Variants in TSPAN5 observed in about 807,000 individuals in gnomAD.
TSPAN5 encodes the protein tetraspanin 5.
A neutral mutation model predicts 37.1 loss-of-function variants in TSPAN5; 10 were observed. That is an observed-to-expected ratio of 0.27 (90% CI 0.17 to 0.46). The LOEUF is 0.46. Ranked by LOEUF, TSPAN5 falls within the 20% of genes least tolerant of loss-of-function variation. The pLI is 1.00. For synonymous variants in TSPAN5, 110 were observed against 118.9 expected (o/e 0.93, Z 0.48); for missense variants, 195 against 326.6 (o/e 0.60, Z 3.11).
At chr4:98,481,069 A>G (rs779339217) in intron 4 of TSPAN5, among the ~76,000 whole-genome samples, 1 of 152,008 alleles carries the variant, frequency 6.6e-6, no homozygotes, top group African/African-American at 2.4e-5. Context: ...CATGAATGCC[A>G]CAGACACCGC....
intron 2 of TSPAN5, among the ~76,000 whole-genome samples, chr4:98,498,051 T>C (rs975600738): frequency 3.9e-5 from 6 of 152,162 alleles, no homozygotes; most frequent in African/African-American, 1.2e-4. Flanking sequence ...GCTAGCAGGC[T>C]CTGGGGTGAT....
chr4:98,484,202 A>G (rs942943462), intron 3 of TSPAN5: 1 of 317,854 alleles, frequency 3.1e-6, no homozygotes, highest in East Asian at 7.9e-5. Flanking sequence ...AGCCCTGTTG[A>G]GCTAATTTCC....
intron 2 of TSPAN5, chr4:98,500,318 A>C (rs1753317492): frequency 6.6e-6 from 1 of 152,200 alleles, no homozygotes; most frequent in South Asian, 2.1e-4. Context: ...AGTGTTCTGC[A>C]TTGAGACCTA....
intron 1 of TSPAN5, among the ~76,000 whole-genome samples, chr4:98,617,044 T>G (rs1756358919): frequency 6.6e-6 from 1 of 152,038 alleles, no homozygotes; most frequent in South Asian, 2.1e-4. Context: ...AGTCTAGTCT[T>G]GAACTCCTGA....
chr4:98,635,284 T>C (rs1356638068), intron 1 of TSPAN5, among the ~76,000 whole-genome samples: 2 of 152,198 alleles, frequency 1.3e-5, no homozygotes, highest in African/African-American at 2.4e-5. Flanking sequence ...TCCTATCCCA[T>C]GGGGAACTCA....
intron 1 of TSPAN5, among the ~76,000 whole-genome samples, chr4:98,562,370 A>G (rs1754898717): frequency 1.3e-5 from 2 of 152,144 alleles, no homozygotes. Context: ...AGGGGTAGAA[A>G]GAAAATCACA....
At chr4:98,496,368 C>T (rs115177376) in intron 2 of TSPAN5, 2 of 152,140 alleles carry the variant, frequency 1.3e-5, no homozygotes, top group Admixed American at 6.5e-5. Context: ...CTGAACAGTC[C>T]AGGGAGATGT....
At chr4:98,479,405 G>A (rs1752785528) in intron 4 of TSPAN5, among the ~76,000 whole-genome samples, 1 of 152,180 alleles carries the variant, frequency 6.6e-6, no homozygotes, top group Non-Finnish European at 1.5e-5. Flanking sequence ...TGCCAGGTTG[G>A]ACTGCCAGAA....
intron 1 of TSPAN5, among the ~76,000 whole-genome samples, chr4:98,560,627 C>T (rs538248919): frequency 6.6e-6 from 1 of 152,302 alleles, no homozygotes; most frequent in Admixed American, 6.5e-5. Context: ...TGTGGATAAT[C>T]CTTGAAGACA....
intron 1 of TSPAN5, among the ~76,000 whole-genome samples, chr4:98,632,248 T>C (rs539874442): frequency 1.3e-5 from 2 of 152,242 alleles, no homozygotes; most frequent in South Asian, 4.2e-4. Flanking sequence ...TCTTACCTCT[T>C]AAAATGTTAA....
chr4:98,496,760 T>G (rs753333449), intron 2 of TSPAN5: 8 of 152,188 alleles, frequency 5.3e-5, no homozygotes, highest in Non-Finnish European at 7.3e-5. Context: ...CTTTCAGAAA[T>G]CACCCATGTT....
rs1753077707 is a variant in TSPAN5, at chr4:98,491,170, AT to A, written c.133-4287del. On this transcript the variant is annotated intron_variant, in intron 2 of 7. Transcript: ENST00000305798. ...CTAGTTAGCATGTGCATTACCTCAC[AT>A]AGTTATCATTTTTGTGGTGAGAACA... Among the ~76,000 whole-genome samples the A allele has an allele frequency of 2.6e-5, 4 of 152,232 alleles. No homozygotes were observed. The South Asian group carries it at 6.2e-4, about 24-fold the overall frequency.
intron 1 of TSPAN5, among the ~76,000 whole-genome samples, chr4:98,606,595 A>C (rs1018843425): frequency 1.3e-5 from 2 of 152,242 alleles, no homozygotes; most frequent in Admixed American, 6.5e-5. Flanking sequence ...TTTATGTATT[A>C]GGGTTCTTGG....
chr4:98,473,518 G>C (rs1374551980), intron 7 of TSPAN5, among the ~76,000 whole-genome samples: 1 of 149,502 alleles, frequency 6.7e-6, no homozygotes, highest in Non-Finnish European at 1.5e-5. Flanking sequence ...GGACTGCAGT[G>C]GCGCAATCTC....
chr4:98,497,379 C>T (rs1014619194), intron 2 of TSPAN5, among the ~76,000 whole-genome samples: 1 of 151,862 alleles, frequency 6.6e-6, no homozygotes, highest in African/African-American at 2.4e-5. Flanking sequence ...CTCTGCCATG[C>T]CAGCACACAG....
intron 1 of TSPAN5, among the ~76,000 whole-genome samples, chr4:98,639,459 A>G (rs900676608): frequency 6.6e-6 from 1 of 151,384 alleles, no homozygotes; most frequent in African/African-American, 2.4e-5. Context: ...CTGAGAAAAC[A>G]GGCACACCCC....
At chr4:98,565,303 T>C (rs1407551870) in intron 1 of TSPAN5, among the ~76,000 whole-genome samples, 3 of 152,236 alleles carry the variant, frequency 2.0e-5, no homozygotes, top group African/African-American at 7.2e-5. Flanking sequence ...TATACTTGCA[T>C]GTTTCATATA....
chr4:98,598,692 G>A (rs989423406), intron 1 of TSPAN5, among the ~76,000 whole-genome samples: 2 of 152,040 alleles, frequency 1.3e-5, no homozygotes, highest in Non-Finnish European at 2.9e-5. Context: ...GAACTGCCAA[G>A]CTCAAGCGAT....
chr4:98,490,104 C>A (rs115962392), intron 2 of TSPAN5, among the ~76,000 whole-genome samples: 2,029 of 152,286 alleles, frequency 0.013, 40 homozygotes, highest in African/African-American at 0.046. Flanking sequence ...TCTATGATTT[C>A]ATCCATTTTT....
Sources: allele counts gnomAD v4.1 joint callset (sites outside exome capture counted in the v4.1 genomes callset), GRCh38; gene constraint gnomAD v4.1.1; transcripts MANE v1.5; gene names NCBI Gene and HGNC (gene_info 2026-07-23, HGNC 2026-07-21).